The following GALNT14 variants were observed in gnomAD, a reference collection of about 807,000 sequenced individuals.
GALNT14 encodes UDP-GalNAc:polypeptide N-acetylgalactosaminyltransferase 14.
GALNT14 carries 60 observed loss-of-function variants against 77.5 expected under a neutral mutation model. That is an observed-to-expected ratio of 0.77 (90% confidence interval 0.63 to 0.96). GALNT14 has a LOEUF of 0.96. Ranked by LOEUF, GALNT14 falls within the 40% of genes least tolerant of loss-of-function variation. The pLI is 0.00. For synonymous variants in GALNT14, 280 were observed against 281.7 expected, an observed-to-expected ratio of 0.99 and a Z score of 0.06; for missense variants, 710 against 731.0, an observed-to-expected ratio of 0.97 and a Z score of 0.33.
rs766116211 is a variant in GALNT14, at chr2:30,912,207, C to G, written c.1500+16G>C. The G allele has an allele frequency of 6.2e-7, 1 of 1,613,704 alleles. No individual in the cohort carries two copies. Among genetic ancestry groups the G allele is most frequent in the South Asian group, 1.1e-5 (1 of 90,974 alleles). On this transcript the variant is annotated intron_variant, in intron 14 of 14. Transcript: ENST00000349752. ...TACGGAGTTGGCCACATCCCAGGGA[C>G]CTGCTGAGCACTTACCTGTCGGTCA...
At chr2:30,964,380 G>C (rs1229222719) in intron 3 of GALNT14, among the ~76,000 whole-genome samples, 1 of 152,158 alleles carries the variant, frequency 6.6e-6, no homozygotes, top group Non-Finnish European at 1.5e-5. Flanking sequence ...TCTCAGCCTG[G>C]ATGCCCCAGA....
chr2:30,948,889 G>A (rs1268662697), intron 6 of GALNT14, among the ~76,000 whole-genome samples: 1 of 152,162 alleles, frequency 6.6e-6, no homozygotes, highest in African/African-American at 2.4e-5. Context: ...ATAAAATGCT[G>A]GTTGCTTACT....
At chr2:31,001,530 C>T (rs941390986) in intron 1 of GALNT14, among the ~76,000 whole-genome samples, 5 of 152,168 alleles carry the variant, frequency 3.3e-5, no homozygotes, top group Admixed American at 3.3e-4. Flanking sequence ...TGTACCCTGG[C>T]TCCCAGAAGA....
chr2:31,076,367 A>C (rs1675786373), intron 1 of GALNT14, among the ~76,000 whole-genome samples: 1 of 152,042 alleles, frequency 6.6e-6, no homozygotes, highest in Non-Finnish European at 1.5e-5. Context: ...GATGCCACCC[A>C]ATGTCTCATC....
At chr2:30,916,034 CT>C (rs1664659513) in intron 13 of GALNT14, among the ~76,000 whole-genome samples, 1 of 152,110 alleles carries the variant, frequency 6.6e-6, no homozygotes, top group Admixed American at 6.5e-5. Flanking sequence ...TTATTGGGGT[CT>C]GAAGGAACTC....
At chr2:31,068,786 C>T (rs1675156599) in intron 1 of GALNT14, among the ~76,000 whole-genome samples, 1 of 152,166 alleles carries the variant, frequency 6.6e-6, no homozygotes, top group Admixed American at 6.5e-5. Flanking sequence ...ACAAAGCCAG[C>T]ATATCCATAC....
At chr2:31,074,061 T>G (rs776080469) in intron 1 of GALNT14, among the ~76,000 whole-genome samples, 2 of 151,848 alleles carry the variant, frequency 1.3e-5, no homozygotes, top group Non-Finnish European at 2.9e-5. Context: ...AGTTGAGGAG[T>G]TAGAAGAGGT....
chr2:31,090,641 C>T (rs1226437872), intron 1 of GALNT14, among the ~76,000 whole-genome samples: 1 of 151,924 alleles, frequency 6.6e-6, no homozygotes, highest in Non-Finnish European at 1.5e-5. Context: ...AGGCTCATAC[C>T]TGGCTAATTT....
intron 1 of GALNT14, among the ~76,000 whole-genome samples, chr2:31,007,150 G>A (rs114893934): frequency 2.7e-3 from 418 of 152,278 alleles, no homozygotes; most frequent in Non-Finnish European, 4.8e-3. Flanking sequence ...GTATCCAGAC[G>A]CTGTGCCTGC....
At chr2:30,937,603 G>C (rs1666132602) in intron 9 of GALNT14, among the ~76,000 whole-genome samples, 1 of 152,062 alleles carries the variant, frequency 6.6e-6, no homozygotes, top group Admixed American at 6.6e-5. Context: ...GTACCTCTCG[G>C]GCTTCACATC....
chr2:30,963,397 C>T (rs181993528), intron 3 of GALNT14, among the ~76,000 whole-genome samples: 6 of 152,326 alleles, frequency 3.9e-5, no homozygotes, highest in Admixed American at 2.6e-4. Flanking sequence ...ATGTGTTCTG[C>T]AGGCCACAAA....
At chr2:31,027,884 T>TTGTGTGTGTGTGTGTGTGTGTG (rs1672162419) in intron 1 of GALNT14, among the ~76,000 whole-genome samples, 1 of 70,018 alleles carries the variant, frequency 1.4e-5, no homozygotes, top group Admixed American at 1.7e-4. Flanking sequence ...CCCAGATGTA[T>TTGTGTGTGTGTGTGTGTGTGTG]TCTGTGTGTG....
chr2:30,995,977 G>T (rs1205009639), intron 1 of GALNT14, among the ~76,000 whole-genome samples: 5 of 152,146 alleles, frequency 3.3e-5, no homozygotes, highest in Admixed American at 6.5e-5. Flanking sequence ...AAGCCATGTC[G>T]CAGCTCAAAG....
intron 1 of GALNT14, among the ~76,000 whole-genome samples, chr2:31,124,555 C>T (rs958040342): frequency 6.6e-6 from 1 of 152,176 alleles, no homozygotes; most frequent in Non-Finnish European, 1.5e-5. Flanking sequence ...TCGATACACC[C>T]TCCAGAGATA....
At chr2:31,113,362 G>A (rs2148628022) in intron 1 of GALNT14, among the ~76,000 whole-genome samples, 1 of 152,230 alleles carries the variant, frequency 6.6e-6, no homozygotes, top group East Asian at 1.9e-4. Context: ...CCTGGAGAAT[G>A]GCATCTAAGA....
At chr2:30,892,588 T>A in the GALNT14 span, among the ~76,000 whole-genome samples, 17,606 of 152,246 alleles carry the variant, frequency 0.12, 1,242 homozygotes, top group Non-Finnish European at 0.14. Flanking sequence ...CATGTTGGTA[T>A]AATGAACAGC....
At chr2:31,048,757 T>G (rs944354989) in intron 1 of GALNT14, among the ~76,000 whole-genome samples, 10 of 152,106 alleles carry the variant, frequency 6.6e-5, no homozygotes, top group African/African-American at 2.4e-4. Context: ...GTGACCCCCT[T>G]GCTCTGTGTT....
chr2:31,007,875 T>C (rs933284653), intron 1 of GALNT14, among the ~76,000 whole-genome samples: 1 of 152,158 alleles, frequency 6.6e-6, no homozygotes, highest in Admixed American at 6.5e-5. Context: ...TCAAAACCCC[T>C]GTCACCCCTT....
intron 2 of GALNT14, among the ~76,000 whole-genome samples, chr2:30,990,693 C>T (rs1039941574): frequency 6.6e-6 from 1 of 152,216 alleles, no homozygotes; most frequent in African/African-American, 2.4e-5. Context: ...GCTGCTGGTC[C>T]CATGTGCTTG....
Sources: gnomAD v4.1 joint callset for allele counts (sites outside exome capture counted in the v4.1 genomes callset) on GRCh38, gnomAD v4.1.1 for gene constraint, MANE v1.5 for transcripts, NCBI Gene and HGNC (gene_info 2026-07-23, HGNC 2026-07-21) for gene names.